Variants in DMD observed in about 807,000 individuals in gnomAD.
DMD encodes the protein mutant dystrophin.
In DMD, 63 loss-of-function variants were observed where a neutral mutation model predicts 330.1. The observed-to-expected ratio is 0.19, with a 90% CI of 0.16 to 0.24. The LOEUF is 0.24. Ranked by LOEUF, DMD falls within the 10% of genes least tolerant of loss-of-function variation. The pLI is 1.00. For synonymous variants in DMD, 1,223 were observed against 959.8 expected, an observed-to-expected ratio of 1.27 and a Z score of -5.07; for missense variants, 3,344 against 2,684.1, an observed-to-expected ratio of 1.25 and a Z score of -5.43.
intron 61 of DMD, among the ~76,000 whole-genome samples, chrX:31,345,387 C>T (rs2058029858): frequency 8.9e-6 from 1 of 111,812 alleles, no homozygotes; most frequent in South Asian, 3.7e-4. Context: ...TGGATTTTCA[C>T]ACTAATAAAA....
At chrX:33,063,880 C>T (rs1839455227) in intron 1 of DMD, among the ~76,000 whole-genome samples, 1 of 111,877 alleles carries the variant, frequency 8.9e-6, no homozygotes, top group Admixed American at 9.6e-5. Context: ...TACTCTCATA[C>T]TTTCCACTTC....
intron 41 of DMD, among the ~76,000 whole-genome samples, chrX:32,314,583 C>T (rs192946296): frequency 9.0e-5 from 10 of 110,971 alleles, no homozygotes; most frequent in African/African-American, 2.9e-4. Flanking sequence ...GCAAAAGACC[C>T]TATCATGAGA....
chrX:32,518,639 G>C (rs902432607), intron 17 of DMD, among the ~76,000 whole-genome samples: 3 of 110,884 alleles, frequency 2.7e-5, no homozygotes, highest in African/African-American at 9.9e-5. Flanking sequence ...GCATGTCAGA[G>C]CTTGACTTTT....
intron 62 of DMD, among the ~76,000 whole-genome samples, chrX:31,263,758 T>C (rs141785926): frequency 8.9e-6 from 1 of 112,855 alleles, no homozygotes; most frequent in East Asian, 2.8e-4. Flanking sequence ...TTTGCAGTCT[T>C]AGTTTCACTT....
intron 7 of DMD, among the ~76,000 whole-genome samples, chrX:32,703,206 C>A (rs994834668): frequency 1.8e-5 from 2 of 111,415 alleles, no homozygotes; most frequent in African/African-American, 6.5e-5. Flanking sequence ...ACTTCTGACT[C>A]CCCCCGCAAA....
chrX:32,079,928 G>A (rs1435120488), intron 44 of DMD, among the ~76,000 whole-genome samples: 4 of 112,016 alleles, frequency 3.6e-5, no homozygotes, highest in Non-Finnish European at 1.9e-5. Context: ...CCTTTGACAA[G>A]TGACCTGACA....
chrX:32,682,933 A>C (rs1394501297), intron 9 of DMD, among the ~76,000 whole-genome samples: 1 of 111,727 alleles, frequency 9.0e-6, no homozygotes, highest in Non-Finnish European at 1.9e-5. Context: ...CTGTTTCATC[A>C]GGCTGGGTTT....
intron 55 of DMD, among the ~76,000 whole-genome samples, chrX:31,568,026 C>T (rs1443768664): frequency 9.0e-6 from 1 of 111,558 alleles, no homozygotes; most frequent in Non-Finnish European, 1.9e-5. Context: ...CAACCTCCTC[C>T]TTGACCTGGG....
At position 32,616,690 on chromosome X, in the gene DMD, C is replaced by CTTTTT. The variant is rs1173392895; in HGVS notation, c.1332-2242_1332-2238dup. Reference sequence around the variant, plus strand: ...CTGTTTCTCCACAGTGTTCTGGTTCCTTTTTTTTTTTTTTTTTTTTTTTTT... The same window carrying CTTTTT: ...CTGTTTCTCCACAGTGTTCTGGTTCCTTTTTTTTTTTTTTTTTTTTTTTTTTTTTT... On this transcript the variant is annotated intron_variant, in intron 11 of 78. Transcript: ENST00000357033. Among the ~76,000 whole-genome samples the CTTTTT allele has an allele frequency of 3.7e-3, 225 of 60,204 alleles. 16 individuals are homozygous for CTTTTT. The highest frequency in any genetic ancestry group is 0.015 in the African/African-American group (187 of 12,839). 52.3% of individuals were successfully genotyped at this position (60,204 alleles called of 115,157 possible).
intron 62 of DMD, among the ~76,000 whole-genome samples, chrX:31,270,188 G>GTT (rs34927082): frequency 1.2e-3 from 119 of 99,390 alleles, no homozygotes; most frequent in South Asian, 5.3e-3. Flanking sequence ...ACCATTCCTT[G>GTT]TTTTTTTTTT....
At chrX:32,044,716 C>T (rs968495943) in intron 44 of DMD, among the ~76,000 whole-genome samples, 1 of 112,119 alleles carries the variant, frequency 8.9e-6, no homozygotes, top group African/African-American at 3.2e-5. Context: ...GCCTCCGCAC[C>T]CAGCCTATAT....
At chrX:31,965,984 C>T (rs1051899058) in intron 45 of DMD, among the ~76,000 whole-genome samples, 15 of 111,645 alleles carry the variant, frequency 1.3e-4, no homozygotes, top group African/African-American at 4.2e-4. Context: ...TTTGCAACTA[C>T]AGGGCTCCAT....
intron 64 of DMD, among the ~76,000 whole-genome samples, chrX:31,222,152 C>T (rs1347685019): frequency 4.6e-5 from 5 of 109,171 alleles, no homozygotes; most frequent in Admixed American, 2.0e-4. Flanking sequence ...GCCTAGAACG[C>T]GCCACTGCAC....
intron 44 of DMD, among the ~76,000 whole-genome samples, chrX:32,168,017 C>T (rs982234249): frequency 8.9e-6 from 1 of 112,701 alleles, no homozygotes; most frequent in Non-Finnish European, 1.9e-5. Context: ...ATAAGCATGA[C>T]TTCTTCACTG....
intron 43 of DMD, among the ~76,000 whole-genome samples, chrX:32,226,304 C>T (rs1408244072): frequency 8.9e-6 from 1 of 111,794 alleles, no homozygotes; most frequent in Non-Finnish European, 1.9e-5. Context: ...TCCTTTTTTA[C>T]TGTGGGCCTT....
At chrX:32,744,495 A>C (rs773912027) in intron 7 of DMD, among the ~76,000 whole-genome samples, 22 of 111,259 alleles carry the variant, frequency 2.0e-4, no homozygotes, top group Admixed American at 9.6e-5. Flanking sequence ...CTCCTTTTTA[A>C]GGTTCAGATT....
intron 44 of DMD, among the ~76,000 whole-genome samples, chrX:32,063,178 A>T (rs2096239185): frequency 1.1e-5 from 1 of 94,552 alleles, no homozygotes; most frequent in Non-Finnish European, 2.1e-5. Flanking sequence ...TAATGTTTTA[A>T]GTATGTCTAA....
rs138151222 is a variant in DMD at position 32,442,305 on chromosome X, G to A, written c.3787-991C>T. Among the ~76,000 whole-genome samples, 1,372 of 110,736 alleles carry A rather than the reference G, an allele frequency of 0.012. 29 individuals carry two copies. Among genetic ancestry groups the A allele is most frequent in the African/African-American group, 0.043 (1,326 of 30,639 alleles). ...TGTAACACATAAGAATATGAAAAAT[G>A]CCAGCAAGTCAAATAGAAGATGAAT... On this transcript the variant is annotated intron_variant, in intron 27 of 78. Transcript: ENST00000357033.
chrX:31,405,170 C>T (rs1257429353), intron 60 of DMD, among the ~76,000 whole-genome samples: 1 of 111,768 alleles, frequency 8.9e-6, no homozygotes, highest in Non-Finnish European at 1.9e-5. Context: ...CATGTAATGA[C>T]TACAATTATA....
Sources: gnomAD v4.1 joint callset for allele counts (sites outside exome capture counted in the v4.1 genomes callset) on GRCh38, gnomAD v4.1.1 for gene constraint, MANE v1.5 for transcripts, NCBI Gene and HGNC (gene_info 2026-07-23, HGNC 2026-07-21) for gene names.